GPR146: variants seen among roughly 807,000 people sequenced by gnomAD.
GPR146 encodes the protein G protein-coupled receptor 146.
For missense variants in GPR146, 381 were observed against 213.9 expected, an observed-to-expected ratio of 1.78 and a Z score of -4.87; for synonymous variants, 203 against 104.3, an observed-to-expected ratio of 1.95 and a Z score of -5.77.
intron 1 of GPR146, among the ~76,000 whole-genome samples, chr7:1,050,651 C>T (rs979106746): frequency 6.6e-6 from 1 of 152,224 alleles, no homozygotes; most frequent in Non-Finnish European, 1.5e-5. Context: ...TGGAACGCCG[C>T]AGCCTAGGAA....
At chr7:1,054,801 G>A (rs753497690) in intron 1 of GPR146, among the ~76,000 whole-genome samples, 4 of 152,188 alleles carry the variant, frequency 2.6e-5, no homozygotes, top group Admixed American at 6.5e-5. Context: ...TTCTGTGCAC[G>A]GAGACACCAG....
Position 1,058,053 on chromosome 7 carries a change from A to C in GPR146, c.538A>C (p.Lys180Gln), listed in dbSNP as rs1784043198. The C allele has an allele frequency of 1.2e-5, 9 of 768,508 alleles. No homozygotes were observed. The East Asian group carries it at 1.7e-4, about 14-fold the overall frequency. The allele number at this position is 768,508 out of a possible 1,614,324, so 47.6% of individuals were successfully genotyped here. Residue 180 changes from lysine to glutamine, a missense_variant, in exon 2 of 2, where the codon AAG becomes CAG. Lys to Gln is a moderately conservative substitution (Grantham distance 53). Transcript: ENST00000444847. ...HVSTRALECA[K>Q]MQNAEAADAT... ...GTCCACCCGCGCGCTAGAGTGCGCC[A>C]AGATGCAGAACGCAGAAGCTGCCGA... is the stretch of plus-strand genomic sequence containing the variant.
rs1583534133 is a variant in GPR146 at position 1,044,565 on chromosome 7, G to A, written c.-118G>A. ...GCCGACGGTCACGTGTGTACACAGG[G>A]CCCGGGCGGCGTGCGCGCCGTGAGC... is the stretch of plus-strand genomic sequence containing the variant. On this transcript the variant is annotated 5_prime_UTR_variant, in exon 1 of 2. Transcript: ENST00000444847. The A allele has an allele frequency of 6.6e-6, 1 of 150,744 alleles. No individual in the cohort carries two copies. Among genetic ancestry groups the A allele is most frequent in the African/African-American group, 2.4e-5 (1 of 41,226 alleles). The allele number at this position is 150,744 out of a possible 1,614,324, so 9.3% of individuals were successfully genotyped here. A position where few individuals can be genotyped will look rare whatever the true frequency, so the allele number is the denominator to read the frequency against.
chr7:1,050,735 C>T (rs1372297308), intron 1 of GPR146, among the ~76,000 whole-genome samples: 1 of 152,248 alleles, frequency 6.6e-6, no homozygotes, highest in African/African-American at 2.4e-5. Context: ...TCTATCCTCA[C>T]GAGTACGCAT....
In GPR146 at chr7:1,058,572, A is replaced by G. The variant is rs1583616817; in HGVS notation, c.*55A>G. On this transcript the variant is annotated 3_prime_UTR_variant, in exon 2 of 2. Transcript: ENST00000444847. ...TCTGGTGGACGCAGAGCACTTAGTT[A>G]CCCTGGACGCTCCCCACATCCTTCC... 1.4e-6 allele frequency: 1 copy of G among 701,560 alleles called. No individual in the cohort carries two copies. The highest frequency in any genetic ancestry group is 2.5e-5 in the East Asian group (1 of 40,216). The allele number at this position is 701,560 out of a possible 1,614,324, so 43.5% of individuals were successfully genotyped here.
chr7:1,049,372 G>T (rs570076724), intron 1 of GPR146, among the ~76,000 whole-genome samples: 14 of 152,354 alleles, frequency 9.2e-5, no homozygotes, highest in African/African-American at 3.4e-4. Context: ...CTTCACATGG[G>T]TTGGTTTACT....
chr7:1,050,439 C>A (rs1307793929), intron 1 of GPR146, among the ~76,000 whole-genome samples: 1 of 152,254 alleles, frequency 6.6e-6, no homozygotes, highest in Non-Finnish European at 1.5e-5. Flanking sequence ...AACCAAGGAT[C>A]CTGTCCCATC....
At chr7:1,051,862 C>T (rs943177708) in intron 1 of GPR146, among the ~76,000 whole-genome samples, 1 of 152,194 alleles carries the variant, frequency 6.6e-6, no homozygotes, top group African/African-American at 2.4e-5. Flanking sequence ...CCTGTAGTCC[C>T]AGCTTCTTGG....
At position 1,058,099 on chromosome 7, in the gene GPR146, G is replaced by T. The variant is rs751504796; in HGVS notation, c.584G>T (p.Gly195Val). 5 of 764,328 alleles carry T rather than the reference G, an allele frequency of 6.5e-6. No homozygotes were observed. The African/African-American group carries it at 6.8e-5, about 10-fold the overall frequency. The allele number at this position is 764,328 out of a possible 1,614,324, so 47.3% of individuals were successfully genotyped here. A position where few individuals can be genotyped will look rare whatever the true frequency, so the allele number is the denominator to read the frequency against. Reference sequence around the variant, plus strand: ...GCCGACGCCACGCTGGTGTTCATCGGCTACGTGGTGCCAGCACTGGCCACC... The same window carrying T: ...GCCGACGCCACGCTGGTGTTCATCGTCTACGTGGTGCCAGCACTGGCCACC... The part of the protein sequence containing the change: ...EAADATLVFI[G>V]YVVPALATLY... Residue 195 changes from glycine (G) to valine (V), a missense_variant, in exon 2 of 2, where the codon GGC becomes GTC. Coordinates refer to ENST00000444847, the MANE Select transcript of GPR146 (RefSeq NM_001303473.2).
intron 1 of GPR146, among the ~76,000 whole-genome samples, chr7:1,053,742 G>A (rs111683226): frequency 0.03 from 4,509 of 152,254 alleles, 199 homozygotes; most frequent in African/African-American, 0.1. Context: ...CAGGAGAATC[G>A]CTTGAACCCG....
chr7:1,054,082 C>T (rs926589683), intron 1 of GPR146, among the ~76,000 whole-genome samples: 2 of 152,304 alleles, frequency 1.3e-5, no homozygotes, highest in South Asian at 2.1e-4. Context: ...CTGACAAAGG[C>T]GGGAACCTGA....
In GPR146 at chr7:1,058,644, T is replaced by TG. The variant is rs1300189554; in HGVS notation, c.*128dup. The stretch of plus-strand genomic sequence containing the variant: ...AGAGAAGCAGGAGGGGTGTTTTTCT[T>TG]GAAGTTTCCTTTTTCCCACAAATGC... On this transcript the variant is annotated 3_prime_UTR_variant, in exon 2 of 2. Transcript: ENST00000444847. 17 of 612,950 alleles carry TG rather than the reference T, an allele frequency of 2.8e-5. No homozygotes were observed. Among genetic ancestry groups the TG allele is most frequent in the Non-Finnish European group, 4.8e-5 (16 of 336,476 alleles). The allele number at this position is 612,950 out of a possible 1,614,324, so 38.0% of individuals were successfully genotyped here.
At chr7:1,053,948 C>G (rs1226948151) in intron 1 of GPR146, among the ~76,000 whole-genome samples, 1 of 152,246 alleles carries the variant, frequency 6.6e-6, no homozygotes, top group South Asian at 2.1e-4. Context: ...CCCAGGGACC[C>G]TGTTCCTACC....
intron 1 of GPR146, chr7:1,055,166 C>T (rs943122693): frequency 2.4e-5 from 11 of 457,368 alleles, no homozygotes; most frequent in South Asian, 4.8e-5. Context: ...GTTTGCAGTG[C>T]GGTCCCGTCC....
rs1430387784 is a variant in GPR146, at chr7:1,052,810, C to T, written c.-24-4682C>T. On this transcript the variant is annotated intron_variant, in intron 1 of 1. Transcript: ENST00000444847. This position sits in a 1 kb window ranked among gnomAD's most constrained non-coding sequence, Gnocchi z 4.2. ...TCCTCAAGCCTGGCCCAAGAGGGACCTGCAGCATGGGGTTGGGGGGCAGGC... is the reference window on the plus strand; with the variant it reads ...TCCTCAAGCCTGGCCCAAGAGGGACTTGCAGCATGGGGTTGGGGGGCAGGC... Among the ~76,000 whole-genome samples, 3 of 152,070 alleles carry T rather than the reference C, an allele frequency of 2.0e-5. No homozygotes were observed. The highest frequency in any genetic ancestry group is 1.3e-4 in the Admixed American group (2 of 15,274).
rs78972399 is a variant in GPR146, at chr7:1,054,138, G to A, written c.-24-3354G>A. ...TCCCCCAGAGCCCACGGAGCAGCCCGCCCCAGCTGCCTTCCCTCCCAAGAT... is the reference window on the plus strand; with the variant it reads ...TCCCCCAGAGCCCACGGAGCAGCCCACCCCAGCTGCCTTCCCTCCCAAGAT... On this transcript the variant is annotated intron_variant, in intron 1 of 1. Transcript: ENST00000444847. Among the ~76,000 whole-genome samples the A allele has an allele frequency of 4.5e-3, 693 of 152,322 alleles. 4 individuals are homozygous for A. Among genetic ancestry groups the A allele is most frequent in the African/African-American group, 0.015 (631 of 41,578 alleles).
intron 1 of GPR146, among the ~76,000 whole-genome samples, chr7:1,054,338 A>C (rs1783495947): frequency 6.6e-6 from 1 of 152,232 alleles, no homozygotes; most frequent in African/African-American, 2.4e-5. Flanking sequence ...CTGCACAGAG[A>C]GCAACCTGCA....
chr7:1,057,225 T>C (rs1783900570), intron 1 of GPR146, among the ~76,000 whole-genome samples: 1 of 152,106 alleles, frequency 6.6e-6, no homozygotes, highest in Non-Finnish European at 1.5e-5. Context: ...GAGTGGGCTC[T>C]GAGAATGTGG....
intron 1 of GPR146, among the ~76,000 whole-genome samples, chr7:1,054,966 C>T (rs937944990): frequency 6.6e-6 from 1 of 152,192 alleles, no homozygotes. Context: ...AAAAAGGGTT[C>T]GTAACCAACA....
Sources: allele counts gnomAD v4.1 joint callset (sites outside exome capture counted in the v4.1 genomes callset), GRCh38; gene constraint gnomAD v4.1.1; non-coding constraint Gnocchi (gnomAD v3.1); transcripts MANE v1.5; gene names NCBI Gene and HGNC (gene_info 2026-07-23, HGNC 2026-07-21).